Variants in ME1 observed in about 807,000 individuals in gnomAD.
The protein encoded by ME1 is malic enzyme 1.
A neutral mutation model predicts 66.4 loss-of-function variants in ME1; 74 were observed. That is an observed-to-expected ratio of 1.11 (90% confidence interval 0.92 to 1.35). ME1 has a LOEUF of 1.35. Ranked by LOEUF, ME1 falls within the 40% of genes most tolerant of loss-of-function variation. The probability of loss-of-function intolerance (pLI) is 0.00; values close to 1 mark genes in which losing one functional copy is unlikely to be tolerated. For missense variants in ME1, 750 were observed against 694.1 expected, an observed-to-expected ratio of 1.08 and a Z score of -0.90; for synonymous variants, 251 against 235.6, an observed-to-expected ratio of 1.07 and a Z score of -0.60.
At chr6:83,212,885 A>G (rs1184774863) in intron 13 of ME1, among the ~76,000 whole-genome samples, 1 of 152,152 alleles carries the variant, frequency 6.6e-6, no homozygotes, top group Non-Finnish European at 1.5e-5. Context: ...GAAAATTTCA[A>G]CTACTCAGAG....
In ME1 at chr6:83,398,371, G is replaced by A; in HGVS notation, c.358C>T (p.Pro120Ser). 6.4e-7 allele frequency: 1 copy of A among 1,570,742 alleles called. No individual in the cohort carries two copies. The change falls in exon 3 of 14, where the codon CCA (proline) becomes TCA (serine). Residue 120 changes from proline to serine, a missense_variant. Coordinates refer to ENST00000369705, the MANE Select transcript of ME1 (RefSeq NM_002395.6). ...ATAAAATAAAAGTTGACATACCTTGGCTTCCGAAACACCAAACTATATTGT... is the reference window on the plus strand; with the variant it reads ...ATAAAATAAAAGTTGACATACCTTGACTTCCGAAACACCAAACTATATTGT... Reference protein sequence around the residue: ...CQQYSLVFRKPRGLFITIHDR... With the variant: ...CQQYSLVFRKSRGLFITIHDR...
intron 6 of ME1, among the ~76,000 whole-genome samples, chr6:83,288,565 G>C (rs1767440995): frequency 1.3e-5 from 2 of 152,118 alleles, no homozygotes; most frequent in Admixed American, 6.5e-5. Flanking sequence ...TAGCCTTGTA[G>C]TAAAGTTTGA....
At chr6:83,252,491 G>C (rs1473633174) in intron 7 of ME1, among the ~76,000 whole-genome samples, 2 of 152,154 alleles carry the variant, frequency 1.3e-5, no homozygotes, top group Non-Finnish European at 2.9e-5. Flanking sequence ...TGTAGAGACA[G>C]AGTTTTGCCA....
At chr6:83,314,726 G>A (rs1290610265) in intron 6 of ME1, among the ~76,000 whole-genome samples, 1 of 151,960 alleles carries the variant, frequency 6.6e-6, no homozygotes, top group Non-Finnish European at 1.5e-5. Flanking sequence ...CAGGTGATTT[G>A]GATAAGAGAC....
At chr6:83,364,392 C>CTA (rs59673237) in intron 3 of ME1, among the ~76,000 whole-genome samples, 4,396 of 151,368 alleles carry the variant, frequency 0.029, 165 homozygotes, top group East Asian at 0.16. Flanking sequence ...ATAAACTCCC[C>CTA]TATATATATA....
intron 5 of ME1, among the ~76,000 whole-genome samples, chr6:83,319,933 A>G (rs1252571416): frequency 1.3e-5 from 2 of 152,206 alleles, no homozygotes; most frequent in Non-Finnish European, 2.9e-5. Context: ...GAACACAGAA[A>G]TGAGTTCCAC....
At chr6:83,331,354 C>T (rs2128542111) in intron 5 of ME1, among the ~76,000 whole-genome samples, 1 of 152,098 alleles carries the variant, frequency 6.6e-6, no homozygotes, top group East Asian at 1.9e-4. Flanking sequence ...CTTTGGGAGG[C>T]TGAGGCGGGT....
rs753047304 is a variant in ME1, at chr6:83,430,914, C to A, written c.41G>T (p.Arg14Leu). The A allele has an allele frequency of 1.2e-6, 2 of 1,602,166 alleles. No homozygotes were observed. The highest frequency in any genetic ancestry group is 1.7e-6 in the Non-Finnish European group (2 of 1,174,816). Residue 14 changes from arginine (R) to leucine (L), a missense_variant, in exon 1 of 14, where the codon CGC becomes CTC. Arg to Leu is a moderately radical substitution (Grantham distance 102, BLOSUM62 -2). Transcript: ENST00000369705. ...AGGGTTCCGTGTCAGCAGGTAGCCG[C>A]GCTGATGGGTGTGGCGGCGACGGGG... Reference protein sequence around the residue: ...EAPRRRHTHQRGYLLTRNPHL... With the variant: ...EAPRRRHTHQLGYLLTRNPHL...
At chr6:83,230,852 A>G (rs1583329992) in intron 9 of ME1, among the ~76,000 whole-genome samples, 1 of 152,000 alleles carries the variant, frequency 6.6e-6, no homozygotes, top group Admixed American at 6.6e-5. Context: ...AGAATGGCAT[A>G]AACCCAGGAG....
rs775828253 is a variant in ME1, at chr6:83,398,506, A to C, written c.223T>G (p.Leu75Val). 1.3e-6 allele frequency: 2 copies of C among 1,543,498 alleles called. No homozygotes were observed. Among genetic ancestry groups the C allele is most frequent in the Non-Finnish European group, 1.8e-6 (2 of 1,135,798 alleles). The change falls in exon 3 of 14, where the codon TTA becomes GTA. Residue 75 changes from leucine (L) to valine (V), a missense_variant. Leu to Val is a conservative substitution (Grantham distance 32). Transcript: ENST00000369705. ...LNSDFDRYLL[L>V]MDLQDRNEKL... Reference sequence around the variant, plus strand: ...TCATTTCTATCTTGGAGATCCATTAAGAGAAGATACCTGTAAAAATTGGAC... The same window carrying C: ...TCATTTCTATCTTGGAGATCCATTACGAGAAGATACCTGTAAAAATTGGAC...
chr6:83,360,039 T>C (rs1372760352), intron 3 of ME1, among the ~76,000 whole-genome samples: 1 of 151,666 alleles, frequency 6.6e-6, no homozygotes, highest in Non-Finnish European at 1.5e-5. Flanking sequence ...ACTGCGTTCC[T>C]ACTTAATCTA....
Position 83,412,659 on chromosome 6 carries a change from A to G in ME1, c.79-4758T>C, listed in dbSNP as rs1221560205. Among the ~76,000 whole-genome samples the G allele has an allele frequency of 2.2e-4, 29 of 131,138 alleles. No individual in the cohort carries two copies. In the Admixed American group the frequency reaches 2.5e-3, roughly 11 times the overall value. The allele number at this position is 131,138 out of a possible 152,430, so 86.0% of individuals were successfully genotyped here. On this transcript the variant is annotated intron_variant, in intron 1 of 13. Coordinates refer to ENST00000369705, the MANE Select transcript of ME1 (RefSeq NM_002395.6). ...ATATCCATACACTGAAATATTACCC[A>G]ACAGTAAAAAAACAAAACTATTGAT...
At chr6:83,332,284 G>A (rs1345043393) in intron 5 of ME1, among the ~76,000 whole-genome samples, 1 of 152,074 alleles carries the variant, frequency 6.6e-6, no homozygotes, top group Non-Finnish European at 1.5e-5. Flanking sequence ...TGGTGAAAAG[G>A]GAAAACTTAT....
chr6:83,215,144 CTTTT>C (rs1395597285), intron 13 of ME1, among the ~76,000 whole-genome samples: 3 of 152,118 alleles, frequency 2.0e-5, no homozygotes, highest in Non-Finnish European at 4.4e-5. Context: ...AGAATTACTT[CTTTT>C]TTTAAGAGAC....
chr6:83,299,511 G>C (rs1463039628), intron 6 of ME1, among the ~76,000 whole-genome samples: 2 of 152,118 alleles, frequency 1.3e-5, no homozygotes. Flanking sequence ...CTGAGACCAT[G>C]GGGTTTTCTA....
chr6:83,241,458 T>G (rs1157199985), intron 7 of ME1, among the ~76,000 whole-genome samples: 1 of 152,184 alleles, frequency 6.6e-6, no homozygotes, highest in Non-Finnish European at 1.5e-5. Context: ...AAATATCCTA[T>G]TTGGTACCTT....
intron 6 of ME1, among the ~76,000 whole-genome samples, chr6:83,292,865 G>A (rs927329759): frequency 6.6e-5 from 10 of 152,062 alleles, no homozygotes; most frequent in African/African-American, 1.9e-4. Context: ...CGCCCCTCCC[G>A]CCGCCAAGCT....
chr6:83,253,628 C>T lies in ME1; in HGVS notation c.814+1G>A. ...TCCATATGCAGTGAAAATTTTGTTA[C>T]CTTGAATATCATCATTGAATGTGCA... On this transcript the variant is annotated splice_donor_variant, in intron 7 of 13. Transcript: ENST00000369705. LOFTEE classifies it high-confidence loss of function. 1 of 1,557,636 alleles carries T rather than the reference C, an allele frequency of 6.4e-7. No individual in the cohort carries two copies.
intron 6 of ME1, among the ~76,000 whole-genome samples, chr6:83,278,562 C>G (rs1767232768): frequency 6.6e-6 from 1 of 152,154 alleles, no homozygotes; most frequent in Non-Finnish European, 1.5e-5. Context: ...CTGTCTCAGC[C>G]TCTCAACTAA....
Sources: gnomAD v4.1 joint callset for allele counts (sites outside exome capture counted in the v4.1 genomes callset) on GRCh38, gnomAD v4.1.1 for gene constraint, MANE v1.5 for transcripts, NCBI Gene and HGNC (gene_info 2026-07-23, HGNC 2026-07-21) for gene names.